PCDHA7: variants seen among roughly 807,000 people sequenced by gnomAD.
The protein encoded by PCDHA7 is protocadherin alpha 7.
In PCDHA7, 37 loss-of-function variants were observed where a neutral mutation model predicts 57.2. The observed-to-expected ratio is 0.65, with a 90% CI of 0.50 to 0.85. The LOEUF is 0.85. Ranked by LOEUF, PCDHA7 falls within the 40% of genes least tolerant of loss-of-function variation. The pLI is 0.00. For synonymous variants in PCDHA7, 553 were observed against 558.8 expected (o/e 0.99, Z 0.15); for missense variants, 1,188 against 1,241.8 (o/e 0.96, Z 0.65).
At chr5:140,883,911 A>G (rs2059884661) in intron 1 of PCDHA7, 2 of 1,613,034 alleles carry the variant, frequency 1.2e-6, no homozygotes, top group Non-Finnish European at 8.5e-7. Flanking sequence ...CTGGGCAGCA[A>G]CGTGACGCTG....
intron 1 of PCDHA7, chr5:140,967,752 C>T: frequency 1.2e-6 from 2 of 1,614,194 alleles, no homozygotes; most frequent in Middle Eastern, 1.6e-4. Context: ...GAGGAAGCCT[C>T]CTCCTACCAG....
At chr5:140,850,495 T>A (rs2150486434) in intron 1 of PCDHA7, 3 of 1,597,906 alleles carry the variant, frequency 1.9e-6, no homozygotes, top group South Asian at 2.2e-5. Flanking sequence ...ACTGTGCTGG[T>A]GTCGCTGGTG....
intron 1 of PCDHA7, chr5:140,857,957 G>T (rs2045052132): frequency 6.3e-7 from 1 of 1,597,294 alleles, no homozygotes; most frequent in African/African-American, 1.3e-5. Flanking sequence ...GCGCGCTCTG[G>T]ATGAGACTGA....
At chr5:140,870,778 G>GACA (rs2052395482) in intron 1 of PCDHA7, 1 of 1,613,502 alleles carries the variant, frequency 6.2e-7, no homozygotes, top group Non-Finnish European at 8.5e-7. Flanking sequence ...GGACGAGAAC[G>GACA]ACAACGCGCC....
intron 3 of PCDHA7, among the ~76,000 whole-genome samples, chr5:140,984,164 A>T (rs1471799520): frequency 6.6e-6 from 1 of 152,208 alleles, no homozygotes; most frequent in African/African-American, 2.4e-5. Flanking sequence ...GAACTTCCCA[A>T]AGAAGCCACG....
At chr5:140,985,083 G>A (rs782261438) in intron 3 of PCDHA7, among the ~76,000 whole-genome samples, 5 of 152,158 alleles carry the variant, frequency 3.3e-5, no homozygotes, top group East Asian at 1.9e-4. Context: ...GACTACAGGC[G>A]TGTGCCACCA....
At chr5:140,992,295 A>G (rs2097504334) in intron 3 of PCDHA7, among the ~76,000 whole-genome samples, 1 of 152,134 alleles carries the variant, frequency 6.6e-6, no homozygotes, top group African/African-American at 2.4e-5. Flanking sequence ...AAAGGATGGG[A>G]GTATTGTTTT....
At position 140,905,743 on chromosome 5, in the gene PCDHA7, C is replaced by G. The variant is rs550937383; in HGVS notation, c.2355+69005C>G. On this transcript the variant is annotated intron_variant, in intron 1 of 3. Coordinates refer to ENST00000525929, the MANE Select transcript of PCDHA7 (RefSeq NM_018910.3). ...GTTTTGTAGTTTTCCTTGTAGAGAT[C>G]TTTCACCTCCTTGGTTAAGTATATT... Among the ~76,000 whole-genome samples, 7 of 152,232 alleles carry G rather than the reference C, an allele frequency of 4.6e-5. No individual in the cohort carries two copies. In the South Asian group the frequency reaches 1.0e-3, roughly 23 times the overall value.
chr5:140,993,293 A>T (rs1445204823), intron 3 of PCDHA7, among the ~76,000 whole-genome samples: 1 of 152,062 alleles, frequency 6.6e-6, no homozygotes, highest in Non-Finnish European at 1.5e-5. Context: ...CAGGGTCACA[A>T]CCTTGCCTCC....
intron 1 of PCDHA7, chr5:140,930,291 C>G (rs529065220): frequency 2.0e-5 from 3 of 152,094 alleles, no homozygotes; most frequent in Non-Finnish European, 4.4e-5. Flanking sequence ...ATACACTTAA[C>G]AAATAAGTAA....
chr5:140,966,052 C>G (rs2095962967), intron 1 of PCDHA7, among the ~76,000 whole-genome samples: 1 of 152,158 alleles, frequency 6.6e-6, no homozygotes, highest in Admixed American at 6.5e-5. Context: ...GCCAGTAACC[C>G]CAGAGCGCCT....
At chr5:140,886,361 G>A (rs374709389) in intron 1 of PCDHA7, among the ~76,000 whole-genome samples, 1 of 151,992 alleles carries the variant, frequency 6.6e-6, no homozygotes, top group African/African-American at 2.4e-5. Context: ...TTACATAGGT[G>A]TACATGCCAT....
At chr5:140,863,267 C>A in intron 1 of PCDHA7, 4 of 1,457,908 alleles carry the variant, frequency 2.7e-6, no homozygotes, top group Non-Finnish European at 2.8e-6. Context: ...CGGGAGGCAG[C>A]GCTGGTGGAT....
Position 140,971,633 on chromosome 5 carries a change from T to A in PCDHA7, c.2356-7316T>A, listed in dbSNP as rs540754440. 2.0e-5 allele frequency among the ~76,000 whole-genome samples: 3 copies of A among 152,294 alleles called. No individual in the cohort carries two copies. The South Asian group carries it at 6.2e-4, about 32-fold the overall frequency. On this transcript the variant is annotated intron_variant, in intron 1 of 3. Transcript: ENST00000525929. ...GAGTCCTGGGGTACAATTAGTACCA[T>A]GTGCCTACATTAAAAGTAGATGGGA...
intron 1 of PCDHA7, chr5:140,966,540 C>G (rs1477712677): frequency 4.3e-6 from 2 of 462,788 alleles, no homozygotes; most frequent in African/African-American, 2.0e-5. Flanking sequence ...TTGAGCGACT[C>G]GGAGGCGAGC....
intron 1 of PCDHA7, among the ~76,000 whole-genome samples, chr5:140,909,448 C>A (rs547019806): frequency 6.6e-6 from 1 of 152,284 alleles, no homozygotes; most frequent in South Asian, 2.1e-4. Context: ...TGTCATTCTC[C>A]AAGATCCATC....
At chr5:140,997,740 C>T (rs568361121) in intron 3 of PCDHA7, among the ~76,000 whole-genome samples, 3 of 151,924 alleles carry the variant, frequency 2.0e-5, no homozygotes, top group African/African-American at 7.2e-5. Flanking sequence ...ATAGATTTGC[C>T]ACAATCTTCT....
chr5:140,977,720 A>C (rs1156806702), intron 1 of PCDHA7, among the ~76,000 whole-genome samples: 1 of 152,202 alleles, frequency 6.6e-6, no homozygotes, highest in African/African-American at 2.4e-5. Flanking sequence ...GATGGTGATC[A>C]TTTCTCTCCT....
At chr5:140,959,568 T>A (rs1333268160) in intron 1 of PCDHA7, among the ~76,000 whole-genome samples, 1 of 152,208 alleles carries the variant, frequency 6.6e-6, no homozygotes, top group African/African-American at 2.4e-5. Flanking sequence ...GTACTAGATT[T>A]TTTGTTTCAA....
Sources: allele counts gnomAD v4.1 joint callset (sites outside exome capture counted in the v4.1 genomes callset), GRCh38; gene constraint gnomAD v4.1.1; transcripts MANE v1.5; gene names NCBI Gene and HGNC (gene_info 2026-07-23, HGNC 2026-07-21).